The following DNAH1 variants were observed in gnomAD, a reference collection of about 807,000 sequenced individuals.
The protein encoded by DNAH1 is dynein axonemal heavy chain 1, also known as axonemal beta dynein heavy chain 1.
In DNAH1, 327 loss-of-function variants were observed where a neutral mutation model predicts 484.3. That is an observed-to-expected ratio of 0.68 (90% confidence interval 0.62 to 0.74). The LOEUF (loss-of-function observed/expected upper bound fraction) is 0.74, where lower values mean the gene tolerates loss of function less well. DNAH1 is among the 30% of genes least tolerant of loss of function. The pLI is 0.00. For synonymous variants in DNAH1, 2,192 were observed against 2,191.9 expected, an observed-to-expected ratio of 1.00 and a Z score of 0.00; for missense variants, 5,052 against 5,546.8, an observed-to-expected ratio of 0.91 and a Z score of 2.83.
Position 52,370,137 on chromosome 3 carries a change from G to A in DNAH1, c.6166G>A (p.Val2056Met). 1.2e-6 allele frequency: 2 copies of A among 1,614,026 alleles called. No individual in the cohort carries two copies. Among genetic ancestry groups the A allele is most frequent in the Non-Finnish European group, 1.7e-6 (2 of 1,179,888 alleles). Residue 2056 changes from valine to methionine, a missense_variant, in exon 39 of 78, where the codon GTG (valine) becomes ATG (methionine). By Grantham distance (21) the Val-to-Met change is conservative. Coordinates refer to ENST00000420323, the MANE Select transcript of DNAH1 (RefSeq NM_015512.5). ...EESISFVRSS[V>M]KEVIASTNCN... is the part of the protein sequence containing the mutation. ...ATCCATCTCCTTCGTTCGGTCCTCA[G>A]TGAAGGAGGTGATCGCCTCAACCAA...
chr3:52,349,363 C>T lies in DNAH1; in HGVS notation c.2469C>T (p.Ala823=), dbSNP rs765040669. 90 of 1,613,880 alleles carry T rather than the reference C, an allele frequency of 5.6e-5. No individual in the cohort carries two copies. The highest frequency in any genetic ancestry group is 1.3e-4 in the Admixed American group (8 of 60,010). Residue 823 remains alanine (A), a synonymous_variant, in exon 14 of 78, where the codon GCC becomes GCT. Transcript: ENST00000420323. ...VKQSLSKKRK[A]LATSVLDILA... ...AGAGCCTGTCCAAGAAACGCAAGGCCCTGGCCACTTCCGTGCTGGACATCC... is the reference window on the plus strand; with the variant it reads ...AGAGCCTGTCCAAGAAACGCAAGGCTCTGGCCACTTCCGTGCTGGACATCC...
In DNAH1 at chr3:52,361,190, T is replaced by C; in HGVS notation, c.4712T>C (p.Leu1571Pro). 1 of 1,611,688 alleles carries C rather than the reference T, an allele frequency of 6.2e-7. No individual in the cohort carries two copies. Among genetic ancestry groups the C allele is most frequent in the South Asian group, 1.1e-5 (1 of 90,610 alleles). Residue 1571 changes from leucine (L) to proline (P), a missense_variant, in exon 29 of 78, where the codon CTG (leucine) becomes CCG (proline). By Grantham distance (98) the Leu-to-Pro change is moderately conservative. Transcript: ENST00000420323. This position sits in a 1 kb window ranked among gnomAD's most constrained non-coding sequence, Gnocchi z 5.6. The stretch of plus-strand genomic sequence containing the variant: ...TGCTACCTGACACTGACCGGAGCTC[T>C]GCACCTCAAGTTTGGGGGTGCCCCA... ...DRCYLTLTGALHLKFGGAPAG... is the reference protein window; with the variant it reads ...DRCYLTLTGAPHLKFGGAPAG...
At chr3:52,366,220 G>A (rs908877665) in intron 34 of DNAH1, among the ~76,000 whole-genome samples, 3 of 152,218 alleles carry the variant, frequency 2.0e-5, no homozygotes, top group Non-Finnish European at 2.9e-5. Flanking sequence ...GTGAAGGAAC[G>A]GTAGTCACAG....
Position 52,353,767 on chromosome 3 carries a change from G to A in DNAH1, c.3480+134G>A, listed in dbSNP as rs1559519414. On this transcript the variant is annotated intron_variant, in intron 20 of 77. Coordinates refer to ENST00000420323, the MANE Select transcript of DNAH1 (RefSeq NM_015512.5). This position sits in a 1 kb window ranked among gnomAD's most constrained non-coding sequence, Gnocchi z 5.0. The stretch of plus-strand genomic sequence containing the variant: ...ATCCCTGGGGTCATGAGGCCCAGGG[G>A]TTGAGATGCATTCTATTAAGTGAGT... The A allele has an allele frequency of 9.5e-6, 11 of 1,162,032 alleles. No homozygotes were observed. Among genetic ancestry groups the A allele is most frequent in the Admixed American group, 2.5e-5 (1 of 40,798 alleles). 72.0% of individuals were successfully genotyped at this position (1,162,032 alleles called of 1,614,324 possible).
At chr3:52,351,200 C>G (rs1207428025) in intron 16 of DNAH1, among the ~76,000 whole-genome samples, 2 of 152,208 alleles carry the variant, frequency 1.3e-5, no homozygotes, top group Non-Finnish European at 2.9e-5. Flanking sequence ...GTGGCTGGTG[C>G]CCTTTGGGGT....
chr3:52,320,049 A>G (rs1701088703), intron 1 of DNAH1, among the ~76,000 whole-genome samples: 3 of 152,234 alleles, frequency 2.0e-5, no homozygotes, highest in Admixed American at 2.0e-4. Flanking sequence ...CCAGTAAAGC[A>G]AACCAAGCAT....
intron 17 of DNAH1, 128 bp from the exon 18 acceptor site, chr3:52,352,421 CAGG>C (rs1254143106): frequency 4.6e-6 from 6 of 1,299,416 alleles, no homozygotes; most frequent in Admixed American, 2.5e-5. Flanking sequence ...CTGCTCACTC[CAGG>C]AGAACAACCT....
chr3:52,313,351 G>A (rs1047292145), upstream of DNAH1, among the ~76,000 whole-genome samples: 2 of 152,096 alleles, frequency 1.3e-5, no homozygotes, highest in African/African-American at 4.8e-5. Context: ...AAGAGTGAGA[G>A]GAGTGTGAGG....
intron 6 of DNAH1, 70 bp from the exon 7 acceptor site, chr3:52,331,078 G>A: frequency 6.6e-7 from 1 of 1,509,098 alleles, no homozygotes; most frequent in South Asian, 1.3e-5. Flanking sequence ...CAGCGATGCT[G>A]CCAGCACTCA....
At chr3:52,390,472 G>C (rs1186676149) in intron 60 of DNAH1, among the ~76,000 whole-genome samples, 1 of 152,218 alleles carries the variant, frequency 6.6e-6, no homozygotes, top group African/African-American at 2.4e-5. Flanking sequence ...GGAAGTATCT[G>C]AGTGAGACTC....
At chr3:52,373,111 A>AG in intron 44 of DNAH1, 58 bp downstream of exon 44, 2 of 1,530,634 alleles carry the variant, frequency 1.3e-6, no homozygotes, top group South Asian at 2.5e-5. Context: ...GCAGGGGCAC[A>AG]GGAGGCACAG....
At chr3:52,348,687 C>T (rs1702243745) in intron 12 of DNAH1, among the ~76,000 whole-genome samples, 1 of 152,202 alleles carries the variant, frequency 6.6e-6, no homozygotes, top group African/African-American at 2.4e-5. Flanking sequence ...GGGCGTCTGG[C>T]CTTGTAAAGA....
chr3:52,382,544 A>G (rs1038981903), intron 50 of DNAH1, 89 bp downstream of exon 50: 8 of 1,559,558 alleles, frequency 5.1e-6, no homozygotes, highest in African/African-American at 1.4e-5. Flanking sequence ...CCAGTCCTTC[A>G]TGCCCAGCTC....
intron 6 of DNAH1, among the ~76,000 whole-genome samples, chr3:52,329,444 C>T (rs1701462882): frequency 6.6e-6 from 1 of 152,194 alleles, no homozygotes; most frequent in Non-Finnish European, 1.5e-5. Context: ...ATCCTTTACT[C>T]AGCTAGCTGG....
intron 54 of DNAH1, 35 bp from the exon 55 acceptor site, chr3:52,386,125 A>G: frequency 6.3e-7 from 1 of 1,585,386 alleles, no homozygotes; most frequent in Admixed American, 1.8e-5. Context: ...AGAAGAGAAA[A>G]GGGGGGAGGA....
At position 52,317,694 on chromosome 3, in the gene DNAH1, C is replaced by T. The variant is rs528487362; in HGVS notation, c.-35+1149C>T. Among the ~76,000 whole-genome samples, 23 of 152,314 alleles carry T rather than the reference C, an allele frequency of 1.5e-4. No individual in the cohort carries two copies. The East Asian group carries it at 4.1e-3, about 27-fold the overall frequency. ...CCTGGTCGGCCCTAATCCTGCCGAT[C>T]GGGGCATATGCTGGAACATCCCAGT... On this transcript the variant is annotated intron_variant, in intron 1 of 77. Coordinates refer to ENST00000420323, the MANE Select transcript of DNAH1 (RefSeq NM_015512.5).
chr3:52,348,719 C>T (rs1343247724), intron 12 of DNAH1, among the ~76,000 whole-genome samples, 169 bp from the exon 13 acceptor site: 1 of 152,198 alleles, frequency 6.6e-6, no homozygotes, highest in African/African-American at 2.4e-5. Flanking sequence ...AAACCCCCTT[C>T]TCCCGCTGCA....
At position 52,392,572 on chromosome 3, in the gene DNAH1, G is replaced by A. The variant is rs774532281; in HGVS notation, c.10161G>A (p.Leu3387=). The A allele has an allele frequency of 5.0e-6, 8 of 1,613,866 alleles. No homozygotes were observed. The Admixed American group carries it at 5.0e-5, about 10-fold the overall frequency. The change falls in exon 64 of 78, where the codon CTG becomes CTA. Residue 3387 remains leucine (L), a synonymous_variant. Transcript: ENST00000420323. ...GTAATGCCAAGATGCGCCAGGAGCT[G>A]AAGGACATTGAGGACCAGATCCTGT... The part of the protein sequence containing the change: ...IISNAKMRQE[L]KDIEDQILYR...
In DNAH1 at chr3:52,381,701, AGCTGGTCCTCTTCATGGAC is replaced by A; in HGVS notation, c.7673_7691del (p.Leu2558ProfsTer2). 1 of 1,607,748 alleles carries A rather than the reference AGCTGGTCCTCTTCATGGAC, an allele frequency of 6.2e-7. No individual in the cohort carries two copies. The highest frequency in any genetic ancestry group is 2.2e-5 in the East Asian group (1 of 44,676). Reference sequence around the variant, plus strand: ...AACCAGATCAACACGGCCAAGCTGAAGCTGGTCCTCTTCATGGACGCCATGAGCCACATCTGTCGCATCA... The same window carrying A: ...AACCAGATCAACACGGCCAAGCTGAAGCCATGAGCCACATCTGTCGCATCA... On this transcript the variant is annotated frameshift_variant, in exon 49 of 78. Transcript: ENST00000420323. LOFTEE classifies it high-confidence loss of function. The surrounding 1 kb of genome is among the most constrained non-coding windows in gnomAD (Gnocchi z 4.1).
Sources: gnomAD v4.1 joint callset for allele counts (sites outside exome capture counted in the v4.1 genomes callset) on GRCh38, gnomAD v4.1.1 for gene constraint, Gnocchi (gnomAD v3.1) non-coding constraint, MANE v1.5 for transcripts, NCBI Gene and HGNC (gene_info 2026-07-23, HGNC 2026-07-21) for gene names.